N4BP2: variants seen among roughly 807,000 people sequenced by gnomAD.
N4BP2 encodes NEDD4 binding protein 2.
In N4BP2, 91 loss-of-function variants were observed where a neutral mutation model predicts 152.8. The ratio of observed to expected loss-of-function variants is 0.60; its 90% CI spans 0.50 to 0.71. N4BP2 has a LOEUF of 0.71. N4BP2 is among the 30% of genes least tolerant of loss of function. The probability of loss-of-function intolerance (pLI) is 0.00; values close to 1 mark genes in which losing one functional copy is unlikely to be tolerated. For missense variants in N4BP2, 1,923 were observed against 2,059.1 expected, an observed-to-expected ratio of 0.93 and a Z score of 1.28; for synonymous variants, 646 against 705.3, an observed-to-expected ratio of 0.92 and a Z score of 1.33.
intron 2 of N4BP2, among the ~76,000 whole-genome samples, chr4:40,076,574 C>T (rs189671367): frequency 2.0e-5 from 3 of 152,216 alleles, no homozygotes; most frequent in East Asian, 1.9e-4. Flanking sequence ...CTGCAAGCTC[C>T]GCCTCCTGGG....
At chr4:40,153,441 C>T (rs1360323811) in intron 17 of N4BP2, among the ~76,000 whole-genome samples, 1 of 152,108 alleles carries the variant, frequency 6.6e-6, no homozygotes. Context: ...TTTGTGTTTT[C>T]ATAAGTTAAA....
rs1376966330 is a variant in N4BP2 at position 40,132,023 on chromosome 4, C to T, written c.4646+104C>T. Reference sequence around the variant, plus strand: ...AAAAATAATGTAAGTCTACAGTAGTCTCTCCTAATCTGTGGGTATTATTCC... The same window carrying T: ...AAAAATAATGTAAGTCTACAGTAGTTTCTCCTAATCTGTGGGTATTATTCC... On this transcript the variant is annotated intron_variant, in intron 13 of 17. Coordinates refer to ENST00000261435, the MANE Select transcript of N4BP2 (RefSeq NM_018177.6). 6.8e-5 allele frequency: 53 copies of T among 774,206 alleles called. No homozygotes were observed. In the South Asian group the frequency reaches 7.4e-4, roughly 11 times the overall value. 48.0% of individuals were successfully genotyped at this position (774,206 alleles called of 1,614,324 possible).
chr4:40,129,162 C>A (rs1303891518), intron 12 of N4BP2, among the ~76,000 whole-genome samples: 1 of 152,184 alleles, frequency 6.6e-6, no homozygotes, highest in African/African-American at 2.4e-5. Context: ...CATCCTCCCA[C>A]TTCAGCCTCC....
intron 7 of N4BP2, among the ~76,000 whole-genome samples, chr4:40,116,229 T>G (rs1168802749): frequency 1.3e-5 from 2 of 152,166 alleles, no homozygotes; most frequent in East Asian, 3.8e-4. Context: ...AAATCCACTC[T>G]GTCCACCTTG....
At chr4:40,119,121 T>C (rs188269200) in intron 8 of N4BP2, among the ~76,000 whole-genome samples, 27 of 152,344 alleles carry the variant, frequency 1.8e-4, no homozygotes, top group Admixed American at 1.6e-3. Context: ...CTTTCTGTAC[T>C]TCAGCTCTTC....
At chr4:40,063,433 C>A (rs140340662) in intron 1 of N4BP2, among the ~76,000 whole-genome samples, 2 of 152,156 alleles carry the variant, frequency 1.3e-5, no homozygotes, top group African/African-American at 2.4e-5. Flanking sequence ...TCAACTAGAA[C>A]CTTGACCAAA....
chr4:40,122,378 T>A (rs577313366), intron 9 of N4BP2, 69 bp downstream of exon 9: 1 of 478,626 alleles, frequency 2.1e-6, no homozygotes, highest in Non-Finnish European at 3.0e-6. Context: ...CTATTTTGTA[T>A]TTTTTTTTTT....
chr4:40,121,826 C>G lies in N4BP2; in HGVS notation c.3715C>G (p.Gln1239Glu). Reference sequence around the variant, plus strand: ...TAATAATGACATACTTCCTAACAGCCAGGAAGAACTTTTATATAGCAGTAA... The same window carrying G: ...TAATAATGACATACTTCCTAACAGCGAGGAAGAACTTTTATATAGCAGTAA... Reference protein sequence around the residue: ...KNNNDILPNSQEELLYSSKQS... With the variant: ...KNNNDILPNSEEELLYSSKQS... The change falls in exon 9 of 18, where the codon CAG becomes GAG. Residue 1239 changes from glutamine to glutamate, a missense_variant. Coordinates refer to ENST00000261435, the MANE Select transcript of N4BP2 (RefSeq NM_018177.6). 1 of 1,613,914 alleles carries G rather than the reference C, an allele frequency of 6.2e-7. No individual in the cohort carries two copies. Among genetic ancestry groups the G allele is most frequent in the Non-Finnish European group, 8.5e-7 (1 of 1,179,896 alleles).
chr4:40,064,794 G>A (rs1177630105), intron 1 of N4BP2, among the ~76,000 whole-genome samples: 2 of 151,716 alleles, frequency 1.3e-5, no homozygotes, highest in Non-Finnish European at 2.9e-5. Flanking sequence ...GGTAGAGATG[G>A]AGTCTTGCTC....
chr4:40,150,402 C>G (rs1014148354), intron 16 of N4BP2, among the ~76,000 whole-genome samples: 1 of 152,158 alleles, frequency 6.6e-6, no homozygotes, highest in African/African-American at 2.4e-5. Flanking sequence ...TGTGATGGCT[C>G]ATGCCTGTAA....
chr4:40,138,848 AGT>A (rs1447735181), intron 14 of N4BP2, among the ~76,000 whole-genome samples: 1 of 152,176 alleles, frequency 6.6e-6, no homozygotes, highest in Non-Finnish European at 1.5e-5. Flanking sequence ...GAAATTGGGA[AGT>A]GTGAGTTTTC....
At position 40,122,008 on chromosome 4, in the gene N4BP2, A is replaced by G; in HGVS notation, c.3897A>G (p.Leu1299=). 1 of 1,541,722 alleles carries G rather than the reference A, an allele frequency of 6.5e-7. No homozygotes were observed. Among genetic ancestry groups the G allele is most frequent in the East Asian group, 2.3e-5 (1 of 44,214 alleles). The change falls in exon 9 of 18, where the codon TTA becomes TTG. Residue 1299 remains leucine (L), a synonymous_variant. Transcript: ENST00000261435. ...NFVSSTSNLE[L]NEEIYFTDSL... Reference sequence around the variant, plus strand: ...TATCTAGTACTTCAAATCTTGAATTAAATGAAGAAATTTATTTTACTGATT... The same window carrying G: ...TATCTAGTACTTCAAATCTTGAATTGAATGAAGAAATTTATTTTACTGATT...
At chr4:40,099,332 T>A (rs1715397551) in intron 3 of N4BP2, among the ~76,000 whole-genome samples, 1 of 152,214 alleles carries the variant, frequency 6.6e-6, no homozygotes, top group Non-Finnish European at 1.5e-5. Flanking sequence ...AACCTCAGCC[T>A]CCCGAGTTAA....
chr4:40,097,133 G>C (rs28433068), intron 2 of N4BP2, 94 bp from the exon 3 acceptor site: 6,817 of 498,206 alleles, frequency 0.014, 423 homozygotes, highest in African/African-American at 0.12. Context: ...GTTAGAGTTG[G>C]TGGTACTTTC....
intron 1 of N4BP2, among the ~76,000 whole-genome samples, chr4:40,068,726 A>C (rs1168924936): frequency 6.6e-6 from 1 of 152,160 alleles, no homozygotes; most frequent in East Asian, 1.9e-4. Context: ...TCTGTAATGT[A>C]AGGTGTTTTG....
At chr4:40,063,075 G>C (rs1467399926) in intron 1 of N4BP2, among the ~76,000 whole-genome samples, 1 of 152,168 alleles carries the variant, frequency 6.6e-6, no homozygotes, top group Non-Finnish European at 1.5e-5. Flanking sequence ...ATAGATGAAA[G>C]TTTTCTAAGC....
At position 40,121,053 on chromosome 4, in the gene N4BP2, A is replaced by G. The variant is rs895076680; in HGVS notation, c.2942A>G (p.Asn981Ser). 39 of 1,613,982 alleles carry G rather than the reference A, an allele frequency of 2.4e-5. No homozygotes were observed. In the Admixed American group the frequency reaches 5.0e-4, roughly 21 times the overall value. ...QHTSLPLTFT[N>S]SAPTVSGVVE... is the part of the protein sequence containing the mutation. ...ACATCGTTGCCTCTTACTTTTACCA[A>G]TAGTGCACCAACTGTTTCTGGAGTA... Residue 981 changes from asparagine (N) to serine (S), a missense_variant, in exon 9 of 18, where the codon AAT (asparagine) becomes AGT (serine). Asn to Ser is a conservative substitution (Grantham distance 46). Coordinates refer to ENST00000261435, the MANE Select transcript of N4BP2 (RefSeq NM_018177.6).
intron 1 of N4BP2, among the ~76,000 whole-genome samples, chr4:40,072,288 C>T (rs1438541257): frequency 2.0e-5 from 3 of 148,094 alleles, no homozygotes; most frequent in Non-Finnish European, 3.0e-5. Context: ...ACTTTGTCGC[C>T]AGGCTGGAGT....
chr4:40,134,140 T>C (rs1051045024), intron 13 of N4BP2, among the ~76,000 whole-genome samples: 8 of 152,218 alleles, frequency 5.3e-5, no homozygotes, highest in Non-Finnish European at 1.0e-4. Context: ...TATTCTCTGC[T>C]GAGTGTGCAG....
Sources: gnomAD v4.1 joint callset for allele counts (sites outside exome capture counted in the v4.1 genomes callset) on GRCh38, gnomAD v4.1.1 for gene constraint, MANE v1.5 for transcripts, NCBI Gene and HGNC (gene_info 2026-07-23, HGNC 2026-07-21) for gene names.